Variants in CSE1L observed in about 807,000 individuals in gnomAD.
The protein encoded by CSE1L is exportin-2.
In CSE1L, 24 loss-of-function variants were observed where a neutral mutation model predicts 120.4. The observed-to-expected ratio is 0.20, with a 90% confidence interval of 0.14 to 0.28. CSE1L has a LOEUF of 0.28. CSE1L is among the 10% of genes least tolerant of loss of function. CSE1L has a pLI of 1.00. For missense variants in CSE1L, 830 were observed against 1,145.2 expected (o/e 0.72, Z 3.97); for synonymous variants, 402 against 398.3 (o/e 1.01, Z -0.11).
At chr20:49,064,435 C>T (rs1210445992) in intron 3 of CSE1L, among the ~76,000 whole-genome samples, 2 of 152,176 alleles carry the variant, frequency 1.3e-5, no homozygotes, top group African/African-American at 4.8e-5. Flanking sequence ...AGAGGCCGGG[C>T]TTGGTGGCCC....
chr20:49,046,714 T>C (rs1427883898), intron 1 of CSE1L, among the ~76,000 whole-genome samples: 1 of 152,250 alleles, frequency 6.6e-6, no homozygotes, highest in Non-Finnish European at 1.5e-5. Context: ...GCCTGCGGAT[T>C]GCCCGCCCTT....
At chr20:49,090,385 C>CCGT (rs963524125) in intron 19 of CSE1L, among the ~76,000 whole-genome samples, 12 of 152,084 alleles carry the variant, frequency 7.9e-5, no homozygotes, top group African/African-American at 2.9e-4. Flanking sequence ...TGGCGAAACC[C>CCGT]CGTCTCTACT....
chr20:49,074,361 A>G (rs543844276), intron 10 of CSE1L, among the ~76,000 whole-genome samples: 5 of 151,984 alleles, frequency 3.3e-5, no homozygotes, highest in African/African-American at 1.2e-4. Flanking sequence ...GTGAGCCACC[A>G]TGCCGGCCAT....
intron 1 of CSE1L, among the ~76,000 whole-genome samples, chr20:49,054,611 A>T (rs2091792436): frequency 6.6e-6 from 1 of 152,210 alleles, no homozygotes; most frequent in Admixed American, 6.5e-5. Flanking sequence ...GGAATAAATG[A>T]TATGAAGCCT....
At chr20:49,055,578 A>G (rs1488362664) in intron 1 of CSE1L, among the ~76,000 whole-genome samples, 1 of 152,044 alleles carries the variant, frequency 6.6e-6, no homozygotes, top group Non-Finnish European at 1.5e-5. Flanking sequence ...TTAGCCAGGC[A>G]TGGTTGATTG....
chr20:49,066,062 A>C, intron 3 of CSE1L, 130 bp from the exon 4 acceptor site: 1 of 743,842 alleles, frequency 1.3e-6, no homozygotes, highest in Non-Finnish European at 2.2e-6. Context: ...AAACTGAAGA[A>C]AGACCAAACC....
At chr20:49,072,753 G>A in intron 10 of CSE1L, 56 bp downstream of exon 10, 1 of 1,484,074 alleles carries the variant, frequency 6.7e-7, no homozygotes, top group South Asian at 1.3e-5. Flanking sequence ...TTTGTTTTTT[G>A]TAACATATTC....
At chr20:49,050,708 G>T (rs1213438308) in intron 1 of CSE1L, among the ~76,000 whole-genome samples, 1 of 151,884 alleles carries the variant, frequency 6.6e-6, no homozygotes, top group Non-Finnish European at 1.5e-5. Context: ...ACCGCGCCCG[G>T]CCTGAGCCCA....
chr20:49,096,812 A>C lies in CSE1L; in HGVS notation c.*374A>C, dbSNP rs2092144929. 5.5e-6 allele frequency: 1 copy of C among 182,922 alleles called. No homozygotes were observed. The highest frequency in any genetic ancestry group is 2.4e-5 in the African/African-American group (1 of 42,320). The allele number at this position is 182,922 out of a possible 1,614,324, so 11.3% of individuals were successfully genotyped here. A position where few individuals can be genotyped will look rare whatever the true frequency, so the allele number is the denominator to read the frequency against. On this transcript the variant is annotated 3_prime_UTR_variant, in exon 25 of 25. Transcript: ENST00000262982. ...GCTATTTGTATTTCTCTTGTCCTTT[A>C]TATTTTTTGTCTGTTTATTTACGCT...
At chr20:49,085,725 C>T (rs113819506) in intron 16 of CSE1L, among the ~76,000 whole-genome samples, 3 of 151,830 alleles carry the variant, frequency 2.0e-5, no homozygotes, top group African/African-American at 4.8e-5. Flanking sequence ...GTGCACTCCA[C>T]CATGCCCGGT....
chr20:49,048,204 G>A lies in CSE1L; in HGVS notation c.-12+1781G>A, dbSNP rs557964563. On this transcript the variant is annotated intron_variant, in intron 1 of 24. Coordinates refer to ENST00000262982, the MANE Select transcript of CSE1L (RefSeq NM_001316.4). ...GGATCCTAATGGACCTCGTCTCTCC[G>A]CTCCTACAACCCTTTATCTTTCACT... is the stretch of plus-strand genomic sequence containing the variant. Among the ~76,000 whole-genome samples, 240 of 137,542 alleles carry A rather than the reference G, an allele frequency of 1.7e-3. 3 individuals are homozygous for A. Among genetic ancestry groups the A allele is most frequent in the Non-Finnish European group, 1.9e-3 (127 of 66,010 alleles). The allele number at this position is 137,542 out of a possible 152,430, so 90.2% of individuals were successfully genotyped here. A position where few individuals can be genotyped will look rare whatever the true frequency, so the allele number is the denominator to read the frequency against.
intron 8 of CSE1L, among the ~76,000 whole-genome samples, chr20:49,071,741 C>T (rs1038461878): frequency 6.6e-6 from 1 of 152,086 alleles, no homozygotes; most frequent in South Asian, 2.1e-4. Context: ...GCCTATAATC[C>T]CAGCACTTTG....
At position 49,085,271 on chromosome 20, in the gene CSE1L, T is replaced by C. The variant is rs754792828; in HGVS notation, c.1620-12T>C. 2.5e-6 allele frequency: 4 copies of C among 1,611,300 alleles called. No homozygotes were observed. The East Asian group carries it at 8.9e-5, about 36-fold the overall frequency. ...AGTTGGTAGTGACTGAAAGCTGTTT[T>C]TTCATCTATAGCTTTACAGCTGCAG... On this transcript the variant is annotated splice_polypyrimidine_tract_variant and intron_variant, in intron 15 of 24. Transcript: ENST00000262982.
chr20:49,058,496 A>G lies in CSE1L; in HGVS notation c.33A>G (p.Leu11=), dbSNP rs145758236. Residue 11 remains leucine (L), a synonymous_variant, in exon 2 of 25, where the codon CTA becomes CTG. Coordinates refer to ENST00000262982, the MANE Select transcript of CSE1L (RefSeq NM_001316.4). Reference sequence around the variant, plus strand: ...TCAGCGATGCAAATCTGCAAACACTAACAGAATATTTAAAGAAAACACTTG... The same window carrying G: ...TCAGCGATGCAAATCTGCAAACACTGACAGAATATTTAAAGAAAACACTTG... MELSDANLQT[L]TEYLKKTLDP... 5.6e-5 allele frequency: 90 copies of G among 1,613,748 alleles called. No individual in the cohort carries two copies. Among genetic ancestry groups the G allele is most frequent in the Non-Finnish European group, 6.9e-5 (82 of 1,179,858 alleles).
At chr20:49,087,370 G>A (rs548978539) in intron 16 of CSE1L, among the ~76,000 whole-genome samples, 19 of 35,548 alleles carry the variant, frequency 5.3e-4, no homozygotes, top group Non-Finnish European at 1.1e-3. Context: ...TTTTTTTTTT[G>A]AGAGAGAGAG....
chr20:49,086,683 A>T (rs1042835337), intron 16 of CSE1L, among the ~76,000 whole-genome samples: 18 of 152,230 alleles, frequency 1.2e-4, no homozygotes, highest in African/African-American at 4.1e-4. Flanking sequence ...CATTTCTATG[A>T]GAGCGGCTAA....
chr20:49,083,619 G>A (rs894790104), intron 14 of CSE1L, among the ~76,000 whole-genome samples: 6 of 152,182 alleles, frequency 3.9e-5, no homozygotes, highest in African/African-American at 1.4e-4. Flanking sequence ...GGTTTTTAAT[G>A]AAGATTGTTC....
intron 7 of CSE1L, 63 bp from the exon 8 acceptor site, chr20:49,070,142 A>G (rs1600606179): frequency 6.6e-6 from 5 of 756,452 alleles, no homozygotes; most frequent in East Asian, 5.4e-5. Flanking sequence ...TGGTAAGGGA[A>G]CTTATAAAAG....
intron 21 of CSE1L, 123 bp from the exon 22 acceptor site, chr20:49,091,923 C>T: frequency 1.6e-6 from 1 of 633,338 alleles, no homozygotes; most frequent in South Asian, 1.9e-5. Flanking sequence ...TACTAGAAGG[C>T]AGGTATTGAT....
Sources: gnomAD v4.1 joint callset for allele counts (sites outside exome capture counted in the v4.1 genomes callset) on GRCh38, gnomAD v4.1.1 for gene constraint, MANE v1.5 for transcripts, NCBI Gene and HGNC (gene_info 2026-07-23, HGNC 2026-07-21) for gene names.